Variants in TMTC2 observed in about 807,000 individuals in gnomAD.
TMTC2 encodes protein O-mannosyl-transferase TMTC2.
Under a neutral mutation model 82.4 loss-of-function variants are expected in TMTC2, and 43 were observed. The ratio of observed to expected loss-of-function variants is 0.52; its 90% CI spans 0.41 to 0.67. The LOEUF (loss-of-function observed/expected upper bound fraction) is 0.67, where lower values mean the gene tolerates loss of function less well. TMTC2 is among the 30% of genes least tolerant of loss of function. The pLI, the probability that TMTC2 is intolerant of heterozygous loss-of-function variation, is 0.00. For synonymous variants in TMTC2, 408 were observed against 381.9 expected, an observed-to-expected ratio of 1.07 and a Z score of -0.80; for missense variants, 919 against 1,012.4, an observed-to-expected ratio of 0.91 and a Z score of 1.25.
intron 11 of TMTC2, among the ~76,000 whole-genome samples, chr12:83,077,955 T>C (rs1367391516): frequency 6.7e-6 from 1 of 150,298 alleles, no homozygotes; most frequent in African/African-American, 2.5e-5. Flanking sequence ...GAAAATATAT[T>C]TTTCCTCCCC....
At chr12:83,008,330 T>C (rs1053410616) in intron 8 of TMTC2, among the ~76,000 whole-genome samples, 6 of 152,196 alleles carry the variant, frequency 3.9e-5, no homozygotes, top group Non-Finnish European at 5.9e-5. Context: ...ATGTCACATA[T>C]ATTGAAATTT....
At chr12:83,073,470 T>G (rs1045100515) in intron 11 of TMTC2, among the ~76,000 whole-genome samples, 3 of 152,200 alleles carry the variant, frequency 2.0e-5, no homozygotes, top group African/African-American at 7.2e-5. Flanking sequence ...GAAAATCTTT[T>G]TGCAATGAAT....
chr12:82,956,417 G>A (rs954432862), intron 4 of TMTC2, among the ~76,000 whole-genome samples: 1 of 152,000 alleles, frequency 6.6e-6, no homozygotes, highest in Non-Finnish European at 1.5e-5. Context: ...ACAAAAAAGA[G>A]CAAGAGTCAC....
intron 10 of TMTC2, among the ~76,000 whole-genome samples, chr12:83,061,262 T>C (rs1485495225): frequency 6.6e-6 from 1 of 151,804 alleles, no homozygotes; most frequent in African/African-American, 2.4e-5. Flanking sequence ...TCTGGACTTT[T>C]TATTTTTTCT....
At chr12:82,965,525 C>A in intron 5 of TMTC2, 35 bp from the exon 6 acceptor site, 12 of 1,606,028 alleles carry the variant, frequency 7.5e-6, no homozygotes, top group Non-Finnish European at 1.0e-5. Flanking sequence ...TGTATATCAT[C>A]TTCTCACACT....
At chr12:82,819,399 T>C (rs918254109) in intron 1 of TMTC2, among the ~76,000 whole-genome samples, 2 of 152,006 alleles carry the variant, frequency 1.3e-5, no homozygotes, top group Admixed American at 6.6e-5. Flanking sequence ...GGCATACTTA[T>C]AGATAATCTC....
chr12:83,127,252 T>C (rs532828629), intron 11 of TMTC2, among the ~76,000 whole-genome samples: 2 of 152,314 alleles, frequency 1.3e-5, no homozygotes, highest in African/African-American at 2.4e-5. Flanking sequence ...TTAAAAGTTA[T>C]TTAGTTTACT....
At chr12:82,853,122 A>G (rs1871069808) in intron 1 of TMTC2, among the ~76,000 whole-genome samples, 1 of 145,330 alleles carries the variant, frequency 6.9e-6, no homozygotes, top group Admixed American at 7.0e-5. Context: ...TTTTTTTTTG[A>G]GACGGAGTCT....
intron 3 of TMTC2, among the ~76,000 whole-genome samples, chr12:82,929,572 G>A (rs1321492596): frequency 2.0e-5 from 3 of 152,090 alleles, no homozygotes; most frequent in African/African-American, 7.2e-5. Context: ...GGTACAGTCA[G>A]TAGTCACCCA....
chr12:83,051,855 G>C (rs759048094), intron 10 of TMTC2, among the ~76,000 whole-genome samples: 3 of 152,010 alleles, frequency 2.0e-5, no homozygotes, highest in Non-Finnish European at 4.4e-5. Flanking sequence ...CAGATTATCA[G>C]GTTTTTTTGT....
At chr12:83,021,711 A>G (rs1024408985) in intron 8 of TMTC2, among the ~76,000 whole-genome samples, 3 of 152,110 alleles carry the variant, frequency 2.0e-5, no homozygotes, top group African/African-American at 7.2e-5. Flanking sequence ...CTCATTTCTC[A>G]TTACTTCCAC....
At chr12:82,775,747 G>T (rs1288798967) in intron 1 of TMTC2, among the ~76,000 whole-genome samples, 1 of 152,044 alleles carries the variant, frequency 6.6e-6, no homozygotes, top group Non-Finnish European at 1.5e-5. Flanking sequence ...GATATATAAT[G>T]ATGCTCATAT....
intron 7 of TMTC2, among the ~76,000 whole-genome samples, chr12:82,980,087 C>T (rs927345922): frequency 3.3e-5 from 5 of 151,692 alleles, no homozygotes; most frequent in Non-Finnish European, 4.4e-5. Context: ...GTTCTATAAC[C>T]GTCTTGTTAT....
At chr12:82,867,958 T>C (rs1871952708) in intron 2 of TMTC2, among the ~76,000 whole-genome samples, 1 of 152,226 alleles carries the variant, frequency 6.6e-6, no homozygotes, top group Non-Finnish European at 1.5e-5. Context: ...GCCATTGGAC[T>C]GGTGCCTGCA....
At chr12:82,938,763 T>A (rs1048683287) in intron 4 of TMTC2, among the ~76,000 whole-genome samples, 3 of 152,132 alleles carry the variant, frequency 2.0e-5, no homozygotes, top group Non-Finnish European at 4.4e-5. Flanking sequence ...TTGGTAAATA[T>A]CAATTAATAC....
intron 1 of TMTC2, among the ~76,000 whole-genome samples, chr12:82,813,001 C>G (rs1868483271): frequency 6.6e-6 from 1 of 151,972 alleles, no homozygotes; most frequent in Admixed American, 6.6e-5. Flanking sequence ...CATTCAGTGA[C>G]AAATTTTCAG....
At chr12:83,109,762 C>A (rs2137544422) in intron 11 of TMTC2, among the ~76,000 whole-genome samples, 1 of 152,250 alleles carries the variant, frequency 6.6e-6, no homozygotes, top group African/African-American at 2.4e-5. Flanking sequence ...CCTCTTTTTG[C>A]CTTATCATAT....
chr12:82,702,286 T>A (rs536660383), intron 1 of TMTC2, among the ~76,000 whole-genome samples: 1 of 152,344 alleles, frequency 6.6e-6, no homozygotes, highest in East Asian at 1.9e-4. Context: ...TCACTTGGAA[T>A]GTTTACTCTG....
chr12:82,756,724 T>C (rs1032524202), intron 1 of TMTC2, among the ~76,000 whole-genome samples: 1 of 152,182 alleles, frequency 6.6e-6, no homozygotes, highest in Admixed American at 6.5e-5. Flanking sequence ...TTTATTTATT[T>C]ATTTTGGCCT....
Sources: allele counts gnomAD v4.1 joint callset (sites outside exome capture counted in the v4.1 genomes callset), GRCh38; gene constraint gnomAD v4.1.1; transcripts MANE v1.5; gene names NCBI Gene and HGNC (gene_info 2026-07-23, HGNC 2026-07-21).